The following MCPH1 variants were observed in gnomAD, a reference collection of about 807,000 sequenced individuals.
The protein encoded by MCPH1 is microcephalin.
MCPH1 carries 104 observed loss-of-function variants against 84.5 expected under a neutral mutation model. That is an observed-to-expected ratio of 1.23 (90% confidence interval 1.05 to 1.45). The LOEUF (loss-of-function observed/expected upper bound fraction) is 1.45, where lower values mean the gene tolerates loss of function less well. MCPH1 is among the 40% of genes most tolerant of loss of function. The pLI, the probability that MCPH1 is intolerant of heterozygous loss-of-function variation, is 0.00. For missense variants in MCPH1, 1,498 were observed against 1,005.7 expected, an observed-to-expected ratio of 1.49 and a Z score of -6.62; for synonymous variants, 514 against 366.8, an observed-to-expected ratio of 1.40 and a Z score of -4.58.
chr8:6,500,025 A>G (rs1432307371), intron 12 of MCPH1, 96 bp downstream of exon 12: 4 of 1,006,914 alleles, frequency 4.0e-6, no homozygotes, highest in African/African-American at 1.6e-5. Flanking sequence ...TATCCAGTCA[A>G]GCACAATTAT....
At chr8:6,437,747 TCTC>T (rs1802881817) in intron 5 of MCPH1, among the ~76,000 whole-genome samples, 1 of 152,166 alleles carries the variant, frequency 6.6e-6, no homozygotes, top group African/African-American at 2.4e-5. Flanking sequence ...GTCCTTGACA[TCTC>T]CTTCTTCCTG....
At chr8:6,548,520 G>A (rs1823021049) in intron 12 of MCPH1, among the ~76,000 whole-genome samples, 1 of 152,130 alleles carries the variant, frequency 6.6e-6, no homozygotes, top group African/African-American at 2.4e-5. Flanking sequence ...GCATTTCAGT[G>A]GTCCCAGCAA....
chr8:6,601,456 G>GGAGC (rs1385898536), intron 12 of MCPH1, among the ~76,000 whole-genome samples: 13 of 151,624 alleles, frequency 8.6e-5, no homozygotes, highest in African/African-American at 3.2e-4. Flanking sequence ...CCTCCTGCAG[G>GGAGC]GAGCCGGACG....
chr8:6,487,599 T>C (rs1810086142), intron 11 of MCPH1, among the ~76,000 whole-genome samples: 1 of 152,236 alleles, frequency 6.6e-6, no homozygotes, highest in Non-Finnish European at 1.5e-5. Context: ...TTAGGAAGAA[T>C]CTTCAGGGAC....
chr8:6,503,075 A>G, intron 12 of MCPH1: 1 of 1,613,662 alleles, frequency 6.2e-7, no homozygotes, highest in Non-Finnish European at 8.5e-7. Flanking sequence ...ATAGTTCGAG[A>G]CAGTTCCTCA....
chr8:6,428,944 G>A (rs780769576), intron 3 of MCPH1, among the ~76,000 whole-genome samples: 3 of 152,138 alleles, frequency 2.0e-5, no homozygotes, highest in Non-Finnish European at 4.4e-5. Flanking sequence ...TTGCTGTTTC[G>A]GTTTTTCAGT....
chr8:6,587,946 A>T (rs1828124468), intron 12 of MCPH1, among the ~76,000 whole-genome samples: 1 of 152,224 alleles, frequency 6.6e-6, no homozygotes, highest in Non-Finnish European at 1.5e-5. Flanking sequence ...ATTCCAATGC[A>T]GAGTCCTTAG....
At chr8:6,515,623 G>A (rs984310097) in intron 12 of MCPH1, among the ~76,000 whole-genome samples, 1 of 152,112 alleles carries the variant, frequency 6.6e-6, no homozygotes, top group Non-Finnish European at 1.5e-5. Context: ...AAAAACCCCT[G>A]AAAATAAGAT....
chr8:6,647,755 G>C lies in MCPH1; in HGVS notation c.*4706G>C, dbSNP rs957957658. On this transcript the variant is annotated 3_prime_UTR_variant, in exon 14 of 14. Transcript: ENST00000344683. ...CAGATTCATGGTCTGCTGCAGCTGG[G>C]GATGGGAGTGGGAACAGAGAGCAAA... 5.3e-5 allele frequency: 8 copies of C among 152,190 alleles called. No individual in the cohort carries two copies. The highest frequency in any genetic ancestry group is 1.9e-4 in the African/African-American group (8 of 41,436). The allele number at this position is 152,190 out of a possible 1,614,324, so 9.4% of individuals were successfully genotyped here. A position where few individuals can be genotyped will look rare whatever the true frequency, so the allele number is the denominator to read the frequency against.
At chr8:6,424,078 G>C (rs1334065205) in intron 3 of MCPH1, among the ~76,000 whole-genome samples, 1 of 152,088 alleles carries the variant, frequency 6.6e-6, no homozygotes, top group African/African-American at 2.4e-5. Context: ...AACTTCATAA[G>C]GTCACTAGGT....
chr8:6,530,877 G>C (rs902272770), intron 12 of MCPH1, among the ~76,000 whole-genome samples: 2 of 152,194 alleles, frequency 1.3e-5, no homozygotes, highest in Non-Finnish European at 2.9e-5. Context: ...GAGAGTGGCA[G>C]GGCTTATGGC....
rs372641725 is a variant in MCPH1 at position 6,436,558 on chromosome 8, A to G, written c.436+396A>G. Among the ~76,000 whole-genome samples the G allele has an allele frequency of 7.9e-5, 12 of 152,244 alleles. No homozygotes were observed. In the East Asian group the frequency reaches 1.7e-3, roughly 22 times the overall value. ...CCTGAATAGGCAAATCTTAGATGAT[A>G]CATTATTTTAGTGATTTGGGAAAAT... On this transcript the variant is annotated intron_variant, in intron 5 of 13. Transcript: ENST00000344683.
At chr8:6,559,171 G>C (rs904139626) in intron 12 of MCPH1, among the ~76,000 whole-genome samples, 1 of 151,644 alleles carries the variant, frequency 6.6e-6, no homozygotes, top group African/African-American at 2.4e-5. Context: ...ACCAAGCCCT[G>C]GGTTTTATTG....
At chr8:6,489,851 T>A (rs996552357) in intron 11 of MCPH1, among the ~76,000 whole-genome samples, 11 of 152,096 alleles carry the variant, frequency 7.2e-5, no homozygotes, top group Non-Finnish European at 1.2e-4. Flanking sequence ...GGAAAAAAAA[T>A]TTAAAAAGTA....
intron 9 of MCPH1, among the ~76,000 whole-genome samples, chr8:6,476,614 A>G (rs1808492636): frequency 6.6e-6 from 1 of 152,164 alleles, no homozygotes; most frequent in Non-Finnish European, 1.5e-5. Flanking sequence ...CTTTCACCCA[A>G]CAGAGACAAG....
At chr8:6,609,817 CCG>C in intron 12 of MCPH1, among the ~76,000 whole-genome samples, 1 of 56,916 alleles carries the variant, frequency 1.8e-5, no homozygotes, top group Non-Finnish European at 6.7e-5. Flanking sequence ...GCAATGCCCC[CCG>C]CCCCCCCCCC....
intron 13 of MCPH1, among the ~76,000 whole-genome samples, chr8:6,641,528 G>A (rs1344126608): frequency 1.3e-5 from 2 of 152,186 alleles, no homozygotes; most frequent in Non-Finnish European, 2.9e-5. Flanking sequence ...AAGATTGCTT[G>A]AGCCCAGGAG....
At chr8:6,516,771 G>C (rs189081184) in intron 12 of MCPH1, among the ~76,000 whole-genome samples, 1 of 152,272 alleles carries the variant, frequency 6.6e-6, no homozygotes, top group Admixed American at 6.5e-5. Context: ...TTCCAAGAAT[G>C]TTTGATTCTT....
chr8:6,616,882 C>T (rs1439237288), intron 12 of MCPH1: 1 of 152,198 alleles, frequency 6.6e-6, no homozygotes, highest in African/African-American at 2.4e-5. Flanking sequence ...AAAGAGACAT[C>T]TTGGGTTCTG....
Sources: allele counts gnomAD v4.1 joint callset (sites outside exome capture counted in the v4.1 genomes callset), GRCh38; gene constraint gnomAD v4.1.1; transcripts MANE v1.5; gene names NCBI Gene and HGNC (gene_info 2026-07-23, HGNC 2026-07-21).